Variants in SYNDIG1L observed in about 807,000 individuals in gnomAD.
SYNDIG1L encodes synapse differentiation inducing 1 like.
Under a neutral mutation model 20.1 loss-of-function variants are expected in SYNDIG1L, and 13 were observed. The ratio of observed to expected loss-of-function variants is 0.65; its 90% CI spans 0.42 to 1.03. The LOEUF (loss-of-function observed/expected upper bound fraction) is 1.03, where lower values mean the gene tolerates loss of function less well. Among genes scored for constraint, SYNDIG1L ranks in the 50% least tolerant of loss-of-function variants. The pLI, the probability that SYNDIG1L is intolerant of heterozygous loss-of-function variation, is 0.00. For missense variants in SYNDIG1L, 294 were observed against 305.1 expected (o/e 0.96, Z 0.27); for synonymous variants, 128 against 129.3 (o/e 0.99, Z 0.07).
At chr14:74,434,700 G>A in the SYNDIG1L span, among the ~76,000 whole-genome samples, 3 of 152,030 alleles carry the variant, frequency 2.0e-5, no homozygotes, top group Non-Finnish European at 4.4e-5. Flanking sequence ...ACTGGTAAGG[G>A]ATTTAATTCA....
the SYNDIG1L span, among the ~76,000 whole-genome samples, chr14:74,432,521 G>A: frequency 3.9e-5 from 6 of 152,190 alleles, no homozygotes; most frequent in Admixed American, 3.3e-4. Flanking sequence ...ACTGAGCCAG[G>A]TTGGGCACTG....
chr14:74,419,861 T>G (rs1428441769), intron 1 of SYNDIG1L, among the ~76,000 whole-genome samples: 2 of 151,784 alleles, frequency 1.3e-5, no homozygotes, highest in African/African-American at 4.8e-5. Flanking sequence ...CACAAAAGCA[T>G]GGGGTAGTGA....
At chr14:74,459,819 G>A in the SYNDIG1L span, among the ~76,000 whole-genome samples, 1 of 152,196 alleles carries the variant, frequency 6.6e-6, no homozygotes, top group Non-Finnish European at 1.5e-5. Context: ...TGTGGTCCAG[G>A]GCTGTTGCTG....
chr14:74,415,208 G>A (rs2086165289), intron 1 of SYNDIG1L, among the ~76,000 whole-genome samples: 1 of 152,184 alleles, frequency 6.6e-6, no homozygotes, highest in African/African-American at 2.4e-5. Flanking sequence ...CTGAAACCAG[G>A]CTTTGAATCA....
chr14:74,409,972 TTGTC>T (rs1179488025), intron 1 of SYNDIG1L, among the ~76,000 whole-genome samples, 171 bp from the exon 2 acceptor site: 1 of 152,202 alleles, frequency 6.6e-6, no homozygotes, highest in African/African-American at 2.4e-5. Flanking sequence ...CTCCGTTTCT[TTGTC>T]TGTGGCTTGG....
At chr14:74,476,349 C>T in the SYNDIG1L span, 5 of 683,994 alleles carry the variant, frequency 7.3e-6, no homozygotes, top group African/African-American at 7.0e-5. Context: ...TGGCCTTACC[C>T]ACTGGCAGTC....
chr14:74,411,678 A>T (rs1389920324), intron 1 of SYNDIG1L, among the ~76,000 whole-genome samples: 1 of 152,144 alleles, frequency 6.6e-6, no homozygotes, highest in Non-Finnish European at 1.5e-5. Flanking sequence ...CTGGACGAAG[A>T]CACTGAGGGT....
chr14:74,419,865 G>A (rs112604658), intron 1 of SYNDIG1L, among the ~76,000 whole-genome samples: 174 of 152,302 alleles, frequency 1.1e-3, no homozygotes, highest in African/African-American at 4.0e-3. Context: ...AAAGCATGGG[G>A]TAGTGATATA....
chr14:74,466,713 T>C, the SYNDIG1L span, among the ~76,000 whole-genome samples: 1 of 152,158 alleles, frequency 6.6e-6, no homozygotes, highest in Non-Finnish European at 1.5e-5. Context: ...GTATCAACCC[T>C]GAACATTGAG....
chr14:74,407,440 C>G lies in SYNDIG1L; in HGVS notation c.*95G>C. ...CAGCAAGCCACTCTCACGGGATCAT[C>G]TTCAGGGGCCGGGCCTTTCCATAGG... On this transcript the variant is annotated 3_prime_UTR_variant, in exon 4 of 4. Transcript: ENST00000331628. 3 of 1,553,326 alleles carry G rather than the reference C, an allele frequency of 1.9e-6. No individual in the cohort carries two copies. Among genetic ancestry groups the G allele is most frequent in the Admixed American group, 1.7e-5 (1 of 58,108 alleles).
chr14:74,432,267 T>A, the SYNDIG1L span, among the ~76,000 whole-genome samples: 3 of 151,982 alleles, frequency 2.0e-5, no homozygotes, highest in African/African-American at 7.3e-5. Context: ...TGATCCCTGG[T>A]CGCCCATGGT....
the SYNDIG1L span, among the ~76,000 whole-genome samples, chr14:74,450,467 A>G: frequency 1.3e-5 from 2 of 152,220 alleles, no homozygotes; most frequent in East Asian, 3.8e-4. Context: ...TCAACAAGAT[A>G]TAAACAGGAT....
chr14:74,447,793 A>G, the SYNDIG1L span, among the ~76,000 whole-genome samples: 1 of 152,180 alleles, frequency 6.6e-6, no homozygotes, highest in African/African-American at 2.4e-5. Context: ...GGAGAATACA[A>G]ACGTAATAAA....
At chr14:74,410,234 C>T (rs2086120650) in intron 1 of SYNDIG1L, among the ~76,000 whole-genome samples, 1 of 152,148 alleles carries the variant, frequency 6.6e-6, no homozygotes, top group Non-Finnish European at 1.5e-5. Flanking sequence ...TGTAAGCATG[C>T]ACAATGGATG....
Position 74,407,550 on chromosome 14 carries a change from C to T in SYNDIG1L, c.702G>A (p.Gln234=). Residue 234 remains glutamine (Q), a synonymous_variant, in exon 4 of 4, where the codon CAG becomes CAA. Coordinates refer to ENST00000331628, the MANE Select transcript of SYNDIG1L (RefSeq NM_001105579.2). ...VVVALAAYMS[Q]NGHG The stretch of plus-strand genomic sequence containing the variant: ...CTACTGGCTACTAGCCATGACCGTT[C>T]TGGGACATGTAAGCTGCCAGAGCCA... 6.2e-7 allele frequency: 1 copy of T among 1,613,934 alleles called. No individual in the cohort carries two copies.
At chr14:74,414,445 GCCCGAAGGTTT>G (rs1348995368) in intron 1 of SYNDIG1L, among the ~76,000 whole-genome samples, 2 of 152,174 alleles carry the variant, frequency 1.3e-5, no homozygotes, top group African/African-American at 4.8e-5. Context: ...ACTTAGCTGG[GCCCGAAGGTTT>G]CCCATTCCCT....
rs1264020768 is a variant in SYNDIG1L at position 74,426,031 on chromosome 14, C to G, written c.-177G>C. On this transcript the variant is annotated 5_prime_UTR_variant, in exon 1 of 4. Coordinates refer to ENST00000331628, the MANE Select transcript of SYNDIG1L (RefSeq NM_001105579.2). ...GAACTCCCAGGAGGGCTCCCCTGCT[C>G]TCGTCCCCGCGTCCCTGAGCAGCCG... The G allele has an allele frequency of 1.3e-5, 2 of 152,548 alleles. No individual in the cohort carries two copies. Among genetic ancestry groups the G allele is most frequent in the Non-Finnish European group, 2.9e-5 (2 of 67,892 alleles). 9.4% of individuals were successfully genotyped at this position (152,548 alleles called of 1,614,324 possible). A position where few individuals can be genotyped will look rare whatever the true frequency, so the allele number is the denominator to read the frequency against.
At chr14:74,440,516 T>TAAAAAAAAAA in the SYNDIG1L span, among the ~76,000 whole-genome samples, 171 of 97,194 alleles carry the variant, frequency 1.8e-3, 4 homozygotes, top group African/African-American at 7.3e-3. Context: ...CTCCGTCTCA[T>TAAAAAAAAAA]AAAAAAAAAA....
the SYNDIG1L span, among the ~76,000 whole-genome samples, chr14:74,453,626 T>C: frequency 1.3e-5 from 2 of 151,936 alleles, no homozygotes; most frequent in South Asian, 4.2e-4. Context: ...ATAAAGCTGT[T>C]TTTTAAAAAA....
Sources: gnomAD v4.1 joint callset for allele counts (sites outside exome capture counted in the v4.1 genomes callset) on GRCh38, gnomAD v4.1.1 for gene constraint, MANE v1.5 for transcripts, NCBI Gene and HGNC (gene_info 2026-07-23, HGNC 2026-07-21) for gene names.